The following DNAH8 variants were observed in gnomAD, a reference collection of about 807,000 sequenced individuals.
DNAH8 encodes axonemal beta dynein heavy chain 8.
A neutral mutation model predicts 562.1 loss-of-function variants in DNAH8; 382 were observed. The observed-to-expected ratio is 0.68, with a 90% CI of 0.63 to 0.74. The LOEUF (loss-of-function observed/expected upper bound fraction) is 0.74, where lower values mean the gene tolerates loss of function less well. DNAH8 is among the 30% of genes least tolerant of loss of function. The probability of loss-of-function intolerance (pLI) is 0.00; values close to 1 mark genes in which losing one functional copy is unlikely to be tolerated. For synonymous variants in DNAH8, 1,881 were observed against 1,919.4 expected (o/e 0.98, Z 0.52); for missense variants, 5,203 against 5,620.4 (o/e 0.93, Z 2.37).
At chr6:38,999,201 G>A (rs540346623) in intron 88 of DNAH8, among the ~76,000 whole-genome samples, 5 of 152,208 alleles carry the variant, frequency 3.3e-5, no homozygotes, top group African/African-American at 4.8e-5. Flanking sequence ...TTATTAGGTG[G>A]GATCTAGCAG....
intron 70 of DNAH8, among the ~76,000 whole-genome samples, chr6:38,920,673 A>G (rs1761803378): frequency 6.6e-6 from 1 of 152,154 alleles, no homozygotes; most frequent in Admixed American, 6.5e-5. Context: ...GTTAATTATG[A>G]TACATCCAAC....
intron 80 of DNAH8, 136 bp downstream of exon 80, chr6:38,945,724 G>A: frequency 8.6e-7 from 1 of 1,157,052 alleles, no homozygotes. Flanking sequence ...GAGGCTCTGT[G>A]GCTGTCTGGG....
intron 37 of DNAH8, among the ~76,000 whole-genome samples, chr6:38,850,037 T>C (rs928779888): frequency 2.6e-5 from 4 of 152,198 alleles, no homozygotes; most frequent in African/African-American, 7.2e-5. Flanking sequence ...ATAAGCCTCA[T>C]TGTGATAAAG....
intron 11 of DNAH8, among the ~76,000 whole-genome samples, chr6:38,770,148 G>A (rs567604997): frequency 6.6e-6 from 1 of 151,636 alleles, no homozygotes; most frequent in African/African-American, 2.4e-5. Context: ...GATAATTTCT[G>A]GACCTCTTGG....
chr6:38,950,692 G>A (rs1761839621), intron 81 of DNAH8, among the ~76,000 whole-genome samples: 1 of 152,086 alleles, frequency 6.6e-6, no homozygotes, highest in African/African-American at 2.4e-5. Flanking sequence ...GCCAGCCTTG[G>A]CCTTCCAAAG....
At chr6:38,868,646 G>T (rs574770802) in intron 48 of DNAH8, among the ~76,000 whole-genome samples, 24 of 151,788 alleles carry the variant, frequency 1.6e-4, no homozygotes, top group Non-Finnish European at 2.8e-4. Flanking sequence ...AGAGCATGCT[G>T]CTTTCATGCT....
intron 17 of DNAH8, among the ~76,000 whole-genome samples, chr6:38,784,520 C>T (rs1023766020): frequency 2.6e-5 from 4 of 152,152 alleles, no homozygotes; most frequent in Non-Finnish European, 5.9e-5. Context: ...ATCTGTAGCT[C>T]TTTCTCAGGA....
chr6:38,999,922 C>A (rs35662963), intron 88 of DNAH8, among the ~76,000 whole-genome samples: 1,855 of 66,080 alleles, frequency 0.028, 32 homozygotes, highest in Middle Eastern at 0.12. Context: ...CATTTATACA[C>A]ACACACACAC....
In DNAH8 at chr6:38,921,513, T is replaced by A; in HGVS notation, c.10662+7T>A. ...AGCAATGAATGAGAAAATGGTGAGA[T>A]TAAACATAAAAAATCCCCAAAATGG... On this transcript the variant is annotated splice_region_variant and intron_variant, in intron 71 of 92. Transcript: ENST00000327475. 5.0e-6 allele frequency: 8 copies of A among 1,609,650 alleles called. No homozygotes were observed. The highest frequency in any genetic ancestry group is 6.8e-6 in the Non-Finnish European group (8 of 1,178,274).
chr6:38,770,564 GCATTATGCAGT>G lies in DNAH8; in HGVS notation c.1764+9_1764+19del, dbSNP rs1562721463. On this transcript the variant is annotated splice_donor_region_variant and intron_variant, in intron 12 of 92. Transcript: ENST00000327475. ...TTTTGCAAAAGACTGGAGAAGGTAA[GCATTATGCAGT>G]CATCGTACCCCACTCCACACCACAC... The G allele has an allele frequency of 6.3e-7, 1 of 1,588,266 alleles. No homozygotes were observed. Among genetic ancestry groups the G allele is most frequent in the South Asian group, 1.2e-5 (1 of 85,602 alleles).
At chr6:38,971,904 G>T in intron 83 of DNAH8, 2 of 343,438 alleles carry the variant, frequency 5.8e-6, no homozygotes, top group East Asian at 4.5e-5. Flanking sequence ...TTTATGATTT[G>T]GGAGACACAC....
intron 62 of DNAH8, among the ~76,000 whole-genome samples, chr6:38,905,585 T>C (rs768025096): frequency 9.2e-5 from 14 of 152,212 alleles, no homozygotes; most frequent in Non-Finnish European, 1.9e-4. Context: ...AGATGAGTTT[T>C]AGATATTATA....
At chr6:38,818,198 G>T (rs1772460565) in intron 26 of DNAH8, among the ~76,000 whole-genome samples, 1 of 151,992 alleles carries the variant, frequency 6.6e-6, no homozygotes, top group Non-Finnish European at 1.5e-5. Flanking sequence ...TAAGAGGGCT[G>T]GGAATTAATC....
Position 38,793,094 on chromosome 6 carries a change from G to A in DNAH8, c.2901+1420G>A, listed in dbSNP as rs547251961. On this transcript the variant is annotated intron_variant, in intron 21 of 92. Coordinates refer to ENST00000327475, the MANE Select transcript of DNAH8 (RefSeq NM_001206927.2). ...ACCATGCCCAGCCTTAAAATTATTTGTTCTCAGTTTTGGGGTCTTGACTAT... is the reference window on the plus strand; with the variant it reads ...ACCATGCCCAGCCTTAAAATTATTTATTCTCAGTTTTGGGGTCTTGACTAT... Among the ~76,000 whole-genome samples the A allele has an allele frequency of 1.5e-4, 23 of 151,674 alleles. No individual in the cohort carries two copies. The East Asian group carries it at 4.5e-3, about 29-fold the overall frequency.
chr6:38,858,764 G>A (rs974711242), intron 42 of DNAH8, among the ~76,000 whole-genome samples: 1 of 152,270 alleles, frequency 6.6e-6, no homozygotes, highest in African/African-American at 2.4e-5. Context: ...GGCCTTCCAC[G>A]GACTAGCTTT....
chr6:38,866,909 T>G, intron 47 of DNAH8, 33 bp downstream of exon 47: 1 of 1,350,244 alleles, frequency 7.4e-7, no homozygotes, highest in African/African-American at 1.5e-5. Context: ...CTCCTAGCAA[T>G]AGTATTTGGT....
chr6:38,800,417 CT>C (rs147933350), intron 21 of DNAH8, among the ~76,000 whole-genome samples: 19,320 of 152,136 alleles, frequency 0.13, 1,470 homozygotes, highest in Admixed American at 0.22. Context: ...TATTATTTGT[CT>C]TTTTGGTGAC....
At chr6:38,866,101 C>T (rs1777011393) in intron 45 of DNAH8, among the ~76,000 whole-genome samples, 1 of 152,098 alleles carries the variant, frequency 6.6e-6, no homozygotes, top group Admixed American at 6.6e-5. Context: ...TATTTCTCCT[C>T]ACTTCCATGG....
intron 8 of DNAH8, among the ~76,000 whole-genome samples, chr6:38,746,806 G>C (rs1764977898): frequency 6.6e-6 from 1 of 152,108 alleles, no homozygotes; most frequent in Non-Finnish European, 1.5e-5. Flanking sequence ...GTGCATGCCT[G>C]TAATCCCAGC....
Sources: allele counts gnomAD v4.1 joint callset (sites outside exome capture counted in the v4.1 genomes callset), GRCh38; gene constraint gnomAD v4.1.1; transcripts MANE v1.5; gene names NCBI Gene and HGNC (gene_info 2026-07-23, HGNC 2026-07-21).